The following ZSCAN5A variants were observed in gnomAD, a reference collection of about 807,000 sequenced individuals.
ZSCAN5A encodes zinc finger and SCAN domain containing 5A.
Under a neutral mutation model 23.7 loss-of-function variants are expected in ZSCAN5A, and 12 were observed. The observed-to-expected ratio is 0.51, with a 90% CI of 0.32 to 0.82. The LOEUF (loss-of-function observed/expected upper bound fraction) is 0.82. Ranked by LOEUF, ZSCAN5A falls within the 40% of genes least tolerant of loss-of-function variation. The probability of loss-of-function intolerance (pLI) is 0.03; values close to 1 mark genes in which losing one functional copy is unlikely to be tolerated. For synonymous variants in ZSCAN5A, 257 were observed against 239.9 expected (o/e 1.07, Z -0.66); for missense variants, 597 against 617.9 (o/e 0.97, Z 0.36).
Position 56,266,493 on chromosome 19 carries a change from C to CCTTTTTTTTTTTTTTTTTTTT in ZSCAN5A, c.-127-41321_-127-41320insAAAAAAAAAAAAAAAAAAAAG, listed in dbSNP as rs371491455. On this transcript the variant is annotated intron_variant, in intron 2 of 5. Transcript: ENST00000683990. Reference sequence around the variant, plus strand: ...GCTTTCTGCTTGGGAGATGCCCCCACTTTTTTTTTTTTTTTTTTTTTTGAG... The same window carrying CCTTTTTTTTTTTTTTTTTTTT: ...GCTTTCTGCTTGGGAGATGCCCCCACCTTTTTTTTTTTTTTTTTTTTTTTTTTTTTTTTTTTTTTTTTTGAG... The CCTTTTTTTTTTTTTTTTTTTT allele has an allele frequency of 1.4e-4, 8 of 58,002 alleles. 3 individuals are homozygous for CCTTTTTTTTTTTTTTTTTTTT. The highest frequency in any genetic ancestry group is 2.0e-4 in the Non-Finnish European group (6 of 29,720). The allele number at this position is 58,002 out of a possible 1,614,324, so 3.6% of individuals were successfully genotyped here.
intron 2 of ZSCAN5A, among the ~76,000 whole-genome samples, chr19:56,311,420 A>C (rs1007628270): frequency 1.3e-5 from 2 of 152,198 alleles, no homozygotes; most frequent in African/African-American, 4.8e-5. Context: ...AATCCATTAG[A>C]ATGAAAAGGT....
intron 2 of ZSCAN5A, among the ~76,000 whole-genome samples, chr19:56,341,950 T>C (rs922061184): frequency 6.6e-6 from 1 of 152,102 alleles, no homozygotes; most frequent in African/African-American, 2.4e-5. Flanking sequence ...AGTTGAATTT[T>C]GGGTTAAAAA....
chr19:56,356,163 G>C (rs545320704), intron 2 of ZSCAN5A, among the ~76,000 whole-genome samples: 1 of 148,524 alleles, frequency 6.7e-6, no homozygotes, highest in Admixed American at 6.6e-5. Context: ...TCTTGTAGCG[G>C]GACAATCAGA....
At chr19:56,254,359 A>C (rs2036556714) in intron 2 of ZSCAN5A, among the ~76,000 whole-genome samples, 1 of 152,186 alleles carries the variant, frequency 6.6e-6, no homozygotes, top group Non-Finnish European at 1.5e-5. Flanking sequence ...GTTGTAACAA[A>C]TTCTAGGATA....
chr19:56,221,919 G>A lies in ZSCAN5A; in HGVS notation c.1147C>T (p.Leu383Phe), dbSNP rs887596912. ...IHKRSHTGER[L>F]FQCNLCGKRF... Reference sequence around the variant, plus strand: ...TTCCCACAGAGATTACATTGAAAGAGTCTCTCGCCTGTGTGTGATCTCTTG... The same window carrying A: ...TTCCCACAGAGATTACATTGAAAGAATCTCTCGCCTGTGTGTGATCTCTTG... The change falls in exon 6 of 6, where the codon CTC becomes TTC. Residue 383 changes from leucine (L) to phenylalanine (F), a missense_variant. Transcript: ENST00000683990. 1 of 1,614,210 alleles carries A rather than the reference G, an allele frequency of 6.2e-7. No individual in the cohort carries two copies.
intron 2 of ZSCAN5A, chr19:56,321,640 GT>G (rs149289445): frequency 0.044 from 40,357 of 915,768 alleles, 2,444 homozygotes; most frequent in East Asian, 0.27. Context: ...TCCATGCATC[GT>G]TATGTCGTCC....
At chr19:56,342,515 T>A (rs2041600858) in intron 2 of ZSCAN5A, 1 of 380,900 alleles carries the variant, frequency 2.6e-6, no homozygotes, top group Admixed American at 2.9e-5. Context: ...CAATAAAATC[T>A]ATCTCCAGGA....
intron 2 of ZSCAN5A, among the ~76,000 whole-genome samples, chr19:56,341,967 A>C (rs1439558155): frequency 6.6e-5 from 10 of 152,268 alleles, no homozygotes; most frequent in Admixed American, 5.2e-4. Context: ...AAAATTAAAA[A>C]ATAAAATATC....
At position 56,356,137 on chromosome 19, in the gene ZSCAN5A, G is replaced by C. The variant is rs1216436613; in HGVS notation, c.-358+7098C>G. 6.1e-5 allele frequency among the ~76,000 whole-genome samples: 9 copies of C among 148,464 alleles called. 2 individuals carry two copies. The highest frequency in any genetic ancestry group is 1.3e-4 in the Non-Finnish European group (9 of 67,270). ...GTTTGCTGATGGAGTTATGCAGATGGAGGATTTGGTAACTGTCTTGTAGCG... is the reference window on the plus strand; with the variant it reads ...GTTTGCTGATGGAGTTATGCAGATGCAGGATTTGGTAACTGTCTTGTAGCG... On this transcript the variant is annotated intron_variant, in intron 2 of 6. Transcript: ENST00000587340.
intron 2 of ZSCAN5A, among the ~76,000 whole-genome samples, chr19:56,331,218 C>G (rs2041485492): frequency 6.6e-6 from 1 of 152,096 alleles, no homozygotes; most frequent in African/African-American, 2.4e-5. Flanking sequence ...AGTTTGAAGT[C>G]AAGTAATGTG....
intron 2 of ZSCAN5A, among the ~76,000 whole-genome samples, chr19:56,255,642 T>C (rs1298316076): frequency 6.6e-6 from 1 of 152,024 alleles, no homozygotes; most frequent in Non-Finnish European, 1.5e-5. Context: ...GAAGCTGTTT[T>C]TCTTGCCAGC....
Position 56,225,069 on chromosome 19 carries a change from C to T in ZSCAN5A, c.-23G>A. On this transcript the variant is annotated 5_prime_UTR_variant, in exon 3 of 6. Coordinates refer to ENST00000683990, the MANE Select transcript of ZSCAN5A (RefSeq NM_001322064.3). ...CATATCTAGTGGAGAATTTTTTAATCAGTCTCTGAGAAAGCTCTTCCAGTA... is the reference window on the plus strand; with the variant it reads ...CATATCTAGTGGAGAATTTTTTAATTAGTCTCTGAGAAAGCTCTTCCAGTA... The T allele has an allele frequency of 1.9e-6, 3 of 1,560,008 alleles. No homozygotes were observed. Among genetic ancestry groups the T allele is most frequent in the South Asian group, 1.2e-5 (1 of 82,408 alleles).
chr19:56,336,341 C>T (rs2041535858), intron 2 of ZSCAN5A, among the ~76,000 whole-genome samples: 1 of 152,192 alleles, frequency 6.6e-6, no homozygotes, highest in Non-Finnish European at 1.5e-5. Flanking sequence ...ATTTCATCTT[C>T]CATTGCTGAT....
At chr19:56,321,016 G>A (rs958143518) in intron 2 of ZSCAN5A, 2 of 703,020 alleles carry the variant, frequency 2.8e-6, no homozygotes, top group East Asian at 5.3e-5. Flanking sequence ...CTTTCCACCT[G>A]CTGTAGTAAT....
In ZSCAN5A at chr19:56,323,533, C is replaced by CT. The variant is rs35501936; in HGVS notation, c.-357-7266dup. ...ATGGATGCAGAACCCTGAGGCAGAA[C>CT]TTTTTTTTTTTTTTTTTTTTGAGAC... On this transcript the variant is annotated intron_variant, in intron 2 of 6. Coordinates refer to the ZSCAN5A transcript ENST00000587340. Among the ~76,000 whole-genome samples, 920 of 123,628 alleles carry CT rather than the reference C, an allele frequency of 7.4e-3. 3 individuals carry two copies. The highest frequency in any genetic ancestry group is 0.011 in the East Asian group (47 of 4,268). The allele number at this position is 123,628 out of a possible 152,430, so 81.1% of individuals were successfully genotyped here.
intron 2 of ZSCAN5A, among the ~76,000 whole-genome samples, chr19:56,357,023 T>A (rs1217601923): frequency 6.7e-6 from 1 of 148,774 alleles, no homozygotes. Context: ...GGATATAGCA[T>A]TAAGTATTTT....
chr19:56,260,606 C>T (rs547010871), intron 2 of ZSCAN5A, among the ~76,000 whole-genome samples: 1 of 151,462 alleles, frequency 6.6e-6, no homozygotes, highest in Non-Finnish European at 1.5e-5. Context: ...AGTAAAATAT[C>T]AGTAGGACAA....
At chr19:56,246,095 A>G (rs2035871264) in intron 2 of ZSCAN5A, among the ~76,000 whole-genome samples, 1 of 152,196 alleles carries the variant, frequency 6.6e-6, no homozygotes, top group Admixed American at 6.5e-5. Flanking sequence ...CACCAGGCAC[A>G]GGAGCTGATT....
At chr19:56,308,384 C>A (rs549809887) in intron 2 of ZSCAN5A, among the ~76,000 whole-genome samples, 20 of 150,660 alleles carry the variant, frequency 1.3e-4, no homozygotes, top group Admixed American at 2.7e-4. Flanking sequence ...AGAACAGTGG[C>A]CCAATCTCAG....
Sources: allele counts gnomAD v4.1 joint callset (sites outside exome capture counted in the v4.1 genomes callset), GRCh38; gene constraint gnomAD v4.1.1; transcripts MANE v1.5; gene names NCBI Gene and HGNC (gene_info 2026-07-23, HGNC 2026-07-21).